EDIL3: variants seen among roughly 807,000 people sequenced by gnomAD.
The protein encoded by EDIL3 is EGF-like repeat and discoidin I-like domain-containing protein 3.
A neutral mutation model predicts 67.4 loss-of-function variants in EDIL3; 37 were observed. The ratio of observed to expected loss-of-function variants is 0.55; its 90% CI spans 0.42 to 0.72. The LOEUF (loss-of-function observed/expected upper bound fraction) is 0.72, where lower values mean the gene tolerates loss of function less well. Ranked by LOEUF, EDIL3 falls within the 30% of genes least tolerant of loss-of-function variation. The pLI, the probability that EDIL3 is intolerant of heterozygous loss-of-function variation, is 0.00. For missense variants in EDIL3, 527 were observed against 586.3 expected (o/e 0.90, Z 1.04); for synonymous variants, 195 against 196.3 (o/e 0.99, Z 0.05).
At chr5:84,243,733 C>T (rs1744844677) in intron 2 of EDIL3, among the ~76,000 whole-genome samples, 2 of 152,058 alleles carry the variant, frequency 1.3e-5, no homozygotes, top group South Asian at 4.2e-4. Flanking sequence ...AAATTTTGCC[C>T]TCCCTATTTT....
At chr5:84,183,529 C>A (rs993562391) in intron 3 of EDIL3, among the ~76,000 whole-genome samples, 1 of 151,996 alleles carries the variant, frequency 6.6e-6, no homozygotes, top group Non-Finnish European at 1.5e-5. Context: ...TCACTTAATC[C>A]AACTTTCCAG....
At chr5:84,095,543 C>T (rs1264610374) in intron 6 of EDIL3, among the ~76,000 whole-genome samples, 3 of 152,150 alleles carry the variant, frequency 2.0e-5, no homozygotes, top group Non-Finnish European at 4.4e-5. Context: ...CAGCATTTTG[C>T]TCCTGCTCTA....
chr5:83,994,065 T>C lies in EDIL3; in HGVS notation c.1138-30705A>G, dbSNP rs546680139. On this transcript the variant is annotated intron_variant, in intron 9 of 10. Transcript: ENST00000296591. The stretch of plus-strand genomic sequence containing the variant: ...AATGTCTTAGTAGTATGCTCCAACA[T>C]GGTTATGTTAAACGGTCATTGAAAA... 9.8e-5 allele frequency among the ~76,000 whole-genome samples: 15 copies of C among 152,344 alleles called. No individual in the cohort carries two copies. The South Asian group carries it at 2.5e-3, about 25-fold the overall frequency.
chr5:84,106,059 T>C (rs1220175348), intron 6 of EDIL3, among the ~76,000 whole-genome samples: 1 of 152,104 alleles, frequency 6.6e-6, no homozygotes, highest in African/African-American at 2.4e-5. Context: ...TCAAAAAGCA[T>C]TGAAATGTAC....
intron 4 of EDIL3, among the ~76,000 whole-genome samples, chr5:84,166,885 G>A (rs1748713485): frequency 6.6e-6 from 1 of 152,170 alleles, no homozygotes; most frequent in Admixed American, 6.6e-5. Context: ...CTGGAAGCTG[G>A]ACTGACACAT....
At chr5:83,972,785 T>C (rs1048142953) in intron 9 of EDIL3, among the ~76,000 whole-genome samples, 3 of 152,080 alleles carry the variant, frequency 2.0e-5, no homozygotes, top group African/African-American at 4.8e-5. Context: ...TAAAATGATA[T>C]TATAAAGATT....
intron 3 of EDIL3, among the ~76,000 whole-genome samples, chr5:84,226,508 G>T (rs1373963): frequency 6.6e-6 from 1 of 151,268 alleles, no homozygotes; most frequent in Non-Finnish European, 1.5e-5. Context: ...ATAATTATTC[G>T]TATTCCTTAT....
intron 9 of EDIL3, among the ~76,000 whole-genome samples, chr5:84,041,739 T>C (rs1459936053): frequency 6.6e-6 from 1 of 150,996 alleles, no homozygotes; most frequent in African/African-American, 2.4e-5. Flanking sequence ...AGTGTTGCAG[T>C]CTAAAGGACT....
intron 4 of EDIL3, among the ~76,000 whole-genome samples, chr5:84,151,401 G>A (rs895269010): frequency 6.6e-6 from 1 of 152,190 alleles, no homozygotes; most frequent in African/African-American, 2.4e-5. Flanking sequence ...TTATTTCAAT[G>A]TGAGAACCAT....
chr5:84,066,316 G>T, intron 7 of EDIL3, 135 bp downstream of exon 7: 1 of 946,550 alleles, frequency 1.1e-6, no homozygotes, highest in Non-Finnish European at 1.5e-6. Context: ...CATCACACTA[G>T]CCCAATTAAA....
intron 10 of EDIL3, among the ~76,000 whole-genome samples, chr5:83,944,358 A>G (rs1240667829): frequency 2.8e-5 from 4 of 144,576 alleles, no homozygotes; most frequent in Non-Finnish European, 6.0e-5. Context: ...GACCCTTTGC[A>G]TTGCACGTCT....
At chr5:84,108,303 T>C (rs955490934) in intron 5 of EDIL3, among the ~76,000 whole-genome samples, 2 of 152,080 alleles carry the variant, frequency 1.3e-5, no homozygotes, top group Non-Finnish European at 2.9e-5. Context: ...GATAAAAATA[T>C]ATGGATAAGT....
At chr5:84,025,336 C>A (rs577571019) in intron 9 of EDIL3, among the ~76,000 whole-genome samples, 1 of 152,182 alleles carries the variant, frequency 6.6e-6, no homozygotes, top group East Asian at 1.9e-4. Context: ...AGCCACTCCA[C>A]ATCACTCCCA....
At chr5:84,216,065 G>A (rs1327306418) in intron 3 of EDIL3, among the ~76,000 whole-genome samples, 2 of 152,140 alleles carry the variant, frequency 1.3e-5, no homozygotes, top group East Asian at 1.9e-4. Flanking sequence ...GCCTTGGACT[G>A]TCTGATTACA....
chr5:83,943,064 G>C lies in EDIL3; in HGVS notation c.*355C>G, dbSNP rs889882862. 3.7e-5 allele frequency: 9 copies of C among 243,430 alleles called. No homozygotes were observed. The highest frequency in any genetic ancestry group is 5.7e-5 in the Non-Finnish European group (7 of 123,458). 15.1% of individuals were successfully genotyped at this position (243,430 alleles called of 1,614,324 possible). A position where few individuals can be genotyped will look rare whatever the true frequency, so the allele number is the denominator to read the frequency against. On this transcript the variant is annotated 3_prime_UTR_variant, in exon 11 of 11. Transcript: ENST00000296591. ...GATTGTAAAAGCTCTATCAACTCTT[G>C]CTCTTATTTGATGACTTTGAGACTT... is the stretch of plus-strand genomic sequence containing the variant.
chr5:84,103,289 C>T (rs1466055580), intron 6 of EDIL3, among the ~76,000 whole-genome samples: 1 of 151,982 alleles, frequency 6.6e-6, no homozygotes, highest in Admixed American at 6.6e-5. Flanking sequence ...TAGGCAATAC[C>T]ATTCTGGACA....
intron 9 of EDIL3, among the ~76,000 whole-genome samples, chr5:83,996,149 A>G (rs1745235360): frequency 6.6e-6 from 1 of 152,210 alleles, no homozygotes; most frequent in Non-Finnish European, 1.5e-5. Context: ...TCAATACATT[A>G]TGTAAGTGCC....
intron 5 of EDIL3, among the ~76,000 whole-genome samples, chr5:84,120,027 T>G (rs995912112): frequency 6.6e-6 from 1 of 152,016 alleles, no homozygotes; most frequent in Admixed American, 6.6e-5. Context: ...CCCAGCCAAC[T>G]CTTTTCATAA....
intron 3 of EDIL3, among the ~76,000 whole-genome samples, chr5:84,221,649 G>T (rs3822635): frequency 0.34 from 51,953 of 151,650 alleles, 9,464 homozygotes; most frequent in African/African-American, 0.48. Context: ...AGCAGTGATT[G>T]TTTTTTCCCT....
Sources: gnomAD v4.1 joint callset for allele counts (sites outside exome capture counted in the v4.1 genomes callset) on GRCh38, gnomAD v4.1.1 for gene constraint, MANE v1.5 for transcripts, NCBI Gene and HGNC (gene_info 2026-07-23, HGNC 2026-07-21) for gene names.